KAT6A: variants seen among roughly 807,000 people sequenced by gnomAD.
KAT6A encodes lysine acetyltransferase 6A, also known as histone acetyltransferase KAT6A.
In KAT6A, 9 loss-of-function variants were observed where a neutral mutation model predicts 198.4. The ratio of observed to expected loss-of-function variants is 0.05; its 90% confidence interval spans 0.03 to 0.08. The LOEUF (loss-of-function observed/expected upper bound fraction) is 0.08, where lower values mean the gene tolerates loss of function less well. Ranked by LOEUF, KAT6A falls within the 10% of genes least tolerant of loss-of-function variation. KAT6A has a pLI of 1.00. For missense variants in KAT6A, 2,077 were observed against 2,509.9 expected (o/e 0.83, Z 3.69); for synonymous variants, 890 against 883.0 (o/e 1.01, Z -0.14).
intron 1 of KAT6A, 152 bp from the exon 2 acceptor site, chr8:42,049,454 G>GTA (rs2150933287): frequency 1.1e-5 from 2 of 174,386 alleles, no homozygotes; most frequent in Non-Finnish European, 2.4e-5. Context: ...AAACAATCAT[G>GTA]TATGTAAACC....
chr8:41,933,458 A>G lies in KAT6A; in HGVS notation c.4762T>C (p.Ser1588Pro). ...CTGGAGGACGACAGCCCACCGTAGG[A>G]GCAGCTGCTCTGGGAAGAGCTGTTC... is the stretch of plus-strand genomic sequence containing the variant. ...CGNSSSQSSC[S>P]YGGLSSSSSL... The change falls in exon 17 of 17, where the codon TCC becomes CCC. Residue 1588 changes from serine (S) to proline (P), a missense_variant. Around this residue, in one of 13 missense-constraint regions of KAT6A, gnomAD observed 500 missense variants for 577.2 expected, o/e 0.87. Coordinates refer to ENST00000265713, the MANE Select transcript of KAT6A (RefSeq NM_006766.5). The surrounding 1 kb of genome is among the most constrained non-coding windows in gnomAD (Gnocchi z 6.2). 6.2e-7 allele frequency: 1 copy of G among 1,612,932 alleles called. No homozygotes were observed. Among genetic ancestry groups the G allele is most frequent in the Non-Finnish European group, 8.5e-7 (1 of 1,179,274 alleles).
rs773165386 is a variant in KAT6A at position 41,943,703 on chromosome 8, A to C, written c.2228+45T>G. ...CTGACTGGCTGATCCAAAAAACTTC[A>C]ACCTAATTATCTTTCAAAGGTATAC... On this transcript the variant is annotated intron_variant, in intron 13 of 16. Coordinates refer to ENST00000265713, the MANE Select transcript of KAT6A (RefSeq NM_006766.5). 7 of 1,424,334 alleles carry C rather than the reference A, an allele frequency of 4.9e-6. No homozygotes were observed. In the South Asian group the frequency reaches 8.2e-5, roughly 17 times the overall value. 88.2% of individuals were successfully genotyped at this position (1,424,334 alleles called of 1,614,324 possible).
At chr8:41,958,682 T>C (rs187254285) in intron 8 of KAT6A, among the ~76,000 whole-genome samples, 160 of 152,356 alleles carry the variant, frequency 1.1e-3, no homozygotes, top group Non-Finnish European at 4.3e-4. Flanking sequence ...AGTACATGCA[T>C]GTGTATAGCC....
chr8:41,935,982 C>T (rs1168682266), intron 16 of KAT6A, among the ~76,000 whole-genome samples: 1 of 152,202 alleles, frequency 6.6e-6, no homozygotes, highest in Non-Finnish European at 1.5e-5. Context: ...TATTTGTTGG[C>T]CAGGCAGGGT....
chr8:41,968,988 GAT>G (rs1187682089), intron 8 of KAT6A, among the ~76,000 whole-genome samples: 1 of 151,950 alleles, frequency 6.6e-6, no homozygotes, highest in African/African-American at 2.4e-5. Context: ...CTTTGACTTA[GAT>G]AATGTTCCAT....
intron 2 of KAT6A, among the ~76,000 whole-genome samples, chr8:42,033,561 A>G (rs1827232845): frequency 6.6e-6 from 1 of 151,702 alleles, no homozygotes; most frequent in Non-Finnish European, 1.5e-5. Context: ...TTCAGGAACT[A>G]CTCTCTTTCC....
intron 14 of KAT6A, chr8:41,942,324 T>G (rs1407393157): frequency 4.3e-6 from 1 of 232,668 alleles, no homozygotes; most frequent in African/African-American, 2.2e-5. Context: ...GTTGGGTTTT[T>G]TTTGTAGAGA....
chr8:41,999,097 CT>C (rs1825363934), intron 2 of KAT6A, among the ~76,000 whole-genome samples: 1 of 152,052 alleles, frequency 6.6e-6, no homozygotes, highest in African/African-American at 2.4e-5. Flanking sequence ...TCAATTTCCA[CT>C]TTTACTATGT....
At chr8:42,023,923 A>C (rs1368120449) in intron 2 of KAT6A, among the ~76,000 whole-genome samples, 1 of 152,146 alleles carries the variant, frequency 6.6e-6, no homozygotes, top group East Asian at 1.9e-4. Flanking sequence ...AGGATCATCA[A>C]TATCACTGTA....
chr8:41,956,053 A>C (rs764541812), intron 8 of KAT6A, among the ~76,000 whole-genome samples: 1 of 152,214 alleles, frequency 6.6e-6, no homozygotes, highest in East Asian at 1.9e-4. Flanking sequence ...TCTCTTTACA[A>C]TGAAAACAAT....
chr8:41,937,527 T>C lies in KAT6A; in HGVS notation c.3081A>G (p.Lys1027=). 1 of 1,613,910 alleles carries C rather than the reference T, an allele frequency of 6.2e-7. No individual in the cohort carries two copies. Among genetic ancestry groups the C allele is most frequent in the Non-Finnish European group, 8.5e-7 (1 of 1,179,884 alleles). The change falls in exon 16 of 17, where the codon AAA becomes AAG. Residue 1027 remains lysine, a synonymous_variant. Coordinates refer to ENST00000265713, the MANE Select transcript of KAT6A (RefSeq NM_006766.5). ...LHRRRRVRKR[K]HHNSSVVTET... ...CTGTGACTACACTGCTATTGTGGTGTTTGCGCTTTCGGACTCTCCTCCTTC... is the reference window on the plus strand; with the variant it reads ...CTGTGACTACACTGCTATTGTGGTGCTTGCGCTTTCGGACTCTCCTCCTTC...
chr8:42,029,229 A>G (rs1204007075), intron 2 of KAT6A, among the ~76,000 whole-genome samples: 1 of 152,126 alleles, frequency 6.6e-6, no homozygotes, highest in African/African-American at 2.4e-5. Context: ...TGTCTTTGTG[A>G]CAGTTTGACT....
intron 8 of KAT6A, among the ~76,000 whole-genome samples, chr8:41,967,821 A>G (rs1197069670): frequency 1.3e-5 from 2 of 152,092 alleles, no homozygotes; most frequent in Non-Finnish European, 2.9e-5. Flanking sequence ...ATAACGTCGC[A>G]TATCTACAAC....
rs188459104 is a variant in KAT6A, at chr8:41,948,094, T to G, written c.1741-182A>C. Among the ~76,000 whole-genome samples, 504 of 152,348 alleles carry G rather than the reference T, an allele frequency of 3.3e-3. 2 individuals carry two copies. Among genetic ancestry groups the G allele is most frequent in the African/African-American group, 0.011 (474 of 41,578 alleles). On this transcript the variant is annotated intron_variant, in intron 10 of 16. Transcript: ENST00000265713. ...TGGCAGTATTATGCTATCTGCTGTT[T>G]TAAGACAACCAAATATATAAAACCT... is the stretch of plus-strand genomic sequence containing the variant.
chr8:42,019,275 C>T (rs1826415808), intron 2 of KAT6A, among the ~76,000 whole-genome samples: 1 of 152,026 alleles, frequency 6.6e-6, no homozygotes, highest in African/African-American at 2.4e-5. Context: ...ATATACAACT[C>T]CAAGAAAATT....
chr8:41,981,211 A>G lies in KAT6A; in HGVS notation c.826-284T>C, dbSNP rs188603957. Among the ~76,000 whole-genome samples, 81 of 152,306 alleles carry G rather than the reference A, an allele frequency of 5.3e-4. 3 individuals carry two copies. In the East Asian group the frequency reaches 0.014, roughly 26 times the overall value. Reference sequence around the variant, plus strand: ...CATGTGCCTGTAATCCCAGCTACTCAGAAGGCTGAGGCAGGAGAACTGCTT... The same window carrying G: ...CATGTGCCTGTAATCCCAGCTACTCGGAAGGCTGAGGCAGGAGAACTGCTT... On this transcript the variant is annotated intron_variant, in intron 4 of 16. Coordinates refer to ENST00000265713, the MANE Select transcript of KAT6A (RefSeq NM_006766.5).
rs1216447981 is a variant in KAT6A, at chr8:41,933,700, C to A, written c.4520G>T (p.Ser1507Ile). 5 of 1,613,992 alleles carry A rather than the reference C, an allele frequency of 3.1e-6. No homozygotes were observed. The highest frequency in any genetic ancestry group is 3.4e-6 in the Non-Finnish European group (4 of 1,180,034). The change falls in exon 17 of 17, where the codon AGT (serine) becomes ATT (isoleucine). Residue 1507 changes from serine to isoleucine, a missense_variant. By Grantham distance (142) the Ser-to-Ile change is moderately radical. Coordinates refer to ENST00000265713, the MANE Select transcript of KAT6A (RefSeq NM_006766.5). The surrounding 1 kb of genome is among the most constrained non-coding windows in gnomAD (Gnocchi z 6.2). ...VSSPNVPALESGYTQISPEQG... is the reference protein window; with the variant it reads ...VSSPNVPALEIGYTQISPEQG... Reference sequence around the variant, plus strand: ...TTCTGGGCTGATCTGGGTGTAGCCACTCTCAAGGGCAGGCACGTTGGGACT... The same window carrying A: ...TTCTGGGCTGATCTGGGTGTAGCCAATCTCAAGGGCAGGCACGTTGGGACT...
chr8:41,999,845 A>G (rs1825399694), intron 2 of KAT6A, among the ~76,000 whole-genome samples: 1 of 152,224 alleles, frequency 6.6e-6, no homozygotes, highest in South Asian at 2.1e-4. Flanking sequence ...TAAGTGTTGA[A>G]AAGTACAACA....
At chr8:41,982,637 C>A (rs561427589) in intron 3 of KAT6A, among the ~76,000 whole-genome samples, 1 of 152,266 alleles carries the variant, frequency 6.6e-6, no homozygotes, top group East Asian at 1.9e-4. Flanking sequence ...GCATACACTA[C>A]CCATTTGTTA....
Sources: gnomAD v4.1 joint callset for allele counts (sites outside exome capture counted in the v4.1 genomes callset) on GRCh38, gnomAD v4.1.1 for gene constraint, gnomAD v4.1.1 regional missense constraint, Gnocchi (gnomAD v3.1) non-coding constraint, MANE v1.5 for transcripts, NCBI Gene and HGNC (gene_info 2026-07-23, HGNC 2026-07-21) for gene names.